Variants in SEM1 observed in about 807,000 individuals in gnomAD.
The protein encoded by SEM1 is 26S proteasome complex subunit SEM1.
A neutral mutation model predicts 12.7 loss-of-function variants in SEM1; 3 were observed. The observed-to-expected ratio is 0.24, with a 90% confidence interval of 0.11 to 0.61. The LOEUF is 0.61. Ranked by LOEUF, SEM1 falls within the 20% of genes least tolerant of loss-of-function variation. SEM1 has a pLI of 0.88. For missense variants in SEM1, 59 were observed against 81.3 expected, an observed-to-expected ratio of 0.73 and a Z score of 1.06; for synonymous variants, 30 against 27.8, an observed-to-expected ratio of 1.08 and a Z score of -0.25.
At chr7:96,696,503 C>G (rs1246397750) in intron 1 of SEM1, 4 of 151,874 alleles carry the variant, frequency 2.6e-5, no homozygotes, top group African/African-American at 9.7e-5. Context: ...TAGCATACCA[C>G]CCTTCCAATT....
chr7:96,686,289 T>C (rs984237154), downstream of SEM1, among the ~76,000 whole-genome samples: 1 of 152,154 alleles, frequency 6.6e-6, no homozygotes, highest in African/African-American at 2.4e-5. Context: ...AAATACCAAT[T>C]TTCGGGTACC....
At chr7:96,552,952 T>C (rs930258849) in intron 2 of SEM1, among the ~76,000 whole-genome samples, 28 of 151,330 alleles carry the variant, frequency 1.9e-4, no homozygotes, top group Admixed American at 4.0e-4. Context: ...CCAGTGATGA[T>C]GAGCATTTTT....
chr7:96,588,353 A>AACACACAC (rs56655484), intron 2 of SEM1, among the ~76,000 whole-genome samples: 2 of 140,946 alleles, frequency 1.4e-5, no homozygotes, highest in African/African-American at 5.4e-5. Flanking sequence ...TCTAAAAACA[A>AACACACAC]ACACACACAC....
At position 96,490,217 on chromosome 7, in the gene SEM1, G is replaced by T. The variant is rs189308058; in HGVS notation, c.13-3800C>A. ...AAAACACTCTTCATTTGTCTTAAAA[G>T]CTTGTTATAAACTATCTGCAGATTC... On this transcript the variant is annotated intron_variant, in intron 1 of 3. Coordinates refer to the SEM1 transcript ENST00000356686. 3.9e-4 allele frequency among the ~76,000 whole-genome samples: 59 copies of T among 152,140 alleles called. No individual in the cohort carries two copies. The East Asian group carries it at 0.011, about 29-fold the overall frequency.
intron 3 of SEM1, among the ~76,000 whole-genome samples, chr7:96,504,697 A>G (rs2117277688): frequency 6.6e-6 from 1 of 152,252 alleles, no homozygotes; most frequent in South Asian, 2.1e-4. Flanking sequence ...TCCTCATATC[A>G]TCATACAGTG....
In SEM1 at chr7:96,692,923, A is replaced by G. The variant is rs148386415; in HGVS notation, c.170+1875T>C. On this transcript the variant is annotated intron_variant, in intron 2 of 2. Transcript: ENST00000248566. ...ACATCTCAGGGTACTAGAAGAACCAAAAGATGTAGTCAAAAATCAGTCAGC... is the reference window on the plus strand; with the variant it reads ...ACATCTCAGGGTACTAGAAGAACCAGAAGATGTAGTCAAAAATCAGTCAGC... Among the ~76,000 whole-genome samples, 784 of 152,226 alleles carry G rather than the reference A, an allele frequency of 5.2e-3. 10 individuals carry two copies. Among genetic ancestry groups the G allele is most frequent in the African/African-American group, 0.018 (740 of 41,576 alleles).
At chr7:96,696,629 T>C (rs988961520) in intron 1 of SEM1, 8 of 151,944 alleles carry the variant, frequency 5.3e-5, no homozygotes, top group Non-Finnish European at 1.0e-4. Flanking sequence ...AGAATCTATT[T>C]TGGATGGATA....
At chr7:96,521,164 C>G (rs1804256946) in intron 2 of SEM1, among the ~76,000 whole-genome samples, 1 of 152,100 alleles carries the variant, frequency 6.6e-6, no homozygotes, top group South Asian at 2.1e-4. Flanking sequence ...GGCCTGCAAT[C>G]TCTTATTGAA....
intron 2 of SEM1, among the ~76,000 whole-genome samples, chr7:96,611,625 A>G (rs1384725313): frequency 1.3e-5 from 2 of 152,240 alleles, no homozygotes; most frequent in African/African-American, 4.8e-5. Flanking sequence ...GAGGATGACA[A>G]TGAAAAGTCA....
chr7:96,563,379 A>G (rs1805750007), intron 2 of SEM1, among the ~76,000 whole-genome samples: 1 of 152,116 alleles, frequency 6.6e-6, no homozygotes, highest in Non-Finnish European at 1.5e-5. Flanking sequence ...AATATAAAAT[A>G]GTAACCTAGG....
intron 2 of SEM1, among the ~76,000 whole-genome samples, chr7:96,529,084 T>C (rs539562719): frequency 3.3e-5 from 5 of 152,276 alleles, no homozygotes; most frequent in African/African-American, 9.6e-5. Flanking sequence ...ATTAGGTAAC[T>C]GACCTCATCC....
intron 2 of SEM1, among the ~76,000 whole-genome samples, chr7:96,522,538 A>C (rs1310752106): frequency 3.3e-5 from 5 of 151,208 alleles, no homozygotes; most frequent in Non-Finnish European, 7.4e-5. Flanking sequence ...TGCCAGGTCC[A>C]TATGCAGAGC....
intron 2 of SEM1, among the ~76,000 whole-genome samples, chr7:96,634,856 C>T (rs953284771): frequency 5.9e-5 from 9 of 151,744 alleles, no homozygotes; most frequent in Admixed American, 2.6e-4. Flanking sequence ...GGACTTTGTA[C>T]CCAAGATAAA....
In SEM1 at chr7:96,490,758, A is replaced by G. The variant is rs566805358; in HGVS notation, c.13-4341T>C. On this transcript the variant is annotated intron_variant, in intron 1 of 3. Coordinates refer to the SEM1 transcript ENST00000356686. Reference sequence around the variant, plus strand: ...GGATTGTCAGTCAGTTGGAAATCAGAGCGAGAGAGGCTTATTTTGGATGAG... The same window carrying G: ...GGATTGTCAGTCAGTTGGAAATCAGGGCGAGAGAGGCTTATTTTGGATGAG... Among the ~76,000 whole-genome samples, 30 of 152,230 alleles carry G rather than the reference A, an allele frequency of 2.0e-4. No homozygotes were observed. In the South Asian group the frequency reaches 6.2e-3, roughly 32 times the overall value.
chr7:96,507,723 A>C (rs1241205329), intron 2 of SEM1, among the ~76,000 whole-genome samples: 1 of 152,066 alleles, frequency 6.6e-6, no homozygotes, highest in Non-Finnish European at 1.5e-5. Context: ...GAGTGTCCCC[A>C]TGGATGTGAA....
At chr7:96,681,670 G>A (rs964698371) in intron 2 of SEM1, among the ~76,000 whole-genome samples, 2 of 152,088 alleles carry the variant, frequency 1.3e-5, no homozygotes, top group Non-Finnish European at 2.9e-5. Context: ...GTTTTTGTCA[G>A]GCTTGTCAAA....
rs149680151 is a variant in SEM1, at chr7:96,574,919, G to A, written c.171-68221C>T. On this transcript the variant is annotated intron_variant and NMD_transcript_variant, in intron 2 of 3. Coordinates refer to the SEM1 transcript ENST00000466986. ...CGTTGGGTTAGAACGTGCTTCTTTAGCTTGGAGGAGTTTGTTATTACGTAC... is the reference window on the plus strand; with the variant it reads ...CGTTGGGTTAGAACGTGCTTCTTTAACTTGGAGGAGTTTGTTATTACGTAC... 2.8e-3 allele frequency among the ~76,000 whole-genome samples: 426 copies of A among 152,234 alleles called. 2 individuals carry two copies. Among genetic ancestry groups the A allele is most frequent in the Non-Finnish European group, 4.2e-3 (284 of 68,018 alleles).
chr7:96,541,465 ATTGT>A (rs747427510), intron 2 of SEM1, among the ~76,000 whole-genome samples: 3 of 107,696 alleles, frequency 2.8e-5, no homozygotes, highest in South Asian at 2.8e-4. Flanking sequence ...TTTTTGCTGA[ATTGT>A]TTAAGTTCCT....
chr7:96,687,086 A>G (rs1383857404), downstream of SEM1, among the ~76,000 whole-genome samples: 1 of 152,206 alleles, frequency 6.6e-6, no homozygotes, highest in African/African-American at 2.4e-5. Context: ...CCACAATGAG[A>G]TACCATCTCA....
Sources: gnomAD v4.1 joint callset for allele counts (sites outside exome capture counted in the v4.1 genomes callset) on GRCh38, gnomAD v4.1.1 for gene constraint, MANE v1.5 for transcripts, NCBI Gene and HGNC (gene_info 2026-07-23, HGNC 2026-07-21) for gene names.